Variants in ALDH1A3 observed in about 807,000 individuals in gnomAD.
ALDH1A3 encodes the protein aldehyde dehydrogenase 1 family member A3.
A neutral mutation model predicts 57.5 loss-of-function variants in ALDH1A3; 28 were observed. The observed-to-expected ratio is 0.49, with a 90% CI of 0.36 to 0.67. The LOEUF is 0.67. Ranked by LOEUF, ALDH1A3 falls within the 30% of genes least tolerant of loss-of-function variation. The probability of loss-of-function intolerance (pLI) is 0.00; values close to 1 mark genes in which losing one functional copy is unlikely to be tolerated. For missense variants in ALDH1A3, 507 were observed against 669.4 expected (o/e 0.76, Z 2.68); for synonymous variants, 281 against 264.8 (o/e 1.06, Z -0.59).
intron 9 of ALDH1A3, among the ~76,000 whole-genome samples, chr15:100,903,933 T>C (rs1201839549): frequency 6.6e-6 from 1 of 152,246 alleles, no homozygotes; most frequent in Admixed American, 6.5e-5. Context: ...TAATATTTTT[T>C]CCAAGTTTGT....
At position 100,887,582 on chromosome 15, in the gene ALDH1A3, A is replaced by G; in HGVS notation, c.215A>G (p.Asp72Gly). The change falls in exon 3 of 13, where the codon GAC (aspartate) becomes GGC (glycine). Residue 72 changes from aspartate to glycine, a missense_variant. This residue lies in a region of ALDH1A3 where 432 missense variants were observed against 608.4 expected (regional missense o/e 0.71). Coordinates refer to ENST00000329841, the MANE Select transcript of ALDH1A3 (RefSeq NM_000693.4). The surrounding 1 kb of genome is among the most constrained non-coding windows in gnomAD (Gnocchi z 4.6). ...GTTCTGGTCGCTCAGCCCGACGTGG[A>G]CAAGGCTGTGGAGGCTGCACAGGTT... ...EVEEGDKPDV[D>G]KAVEAAQVAF... The G allele has an allele frequency of 6.2e-7, 1 of 1,602,266 alleles. No homozygotes were observed. The highest frequency in any genetic ancestry group is 1.1e-5 in the South Asian group (1 of 89,522).
chr15:100,893,762 T>A lies in ALDH1A3; in HGVS notation c.538-192T>A. ...CCTCTTTGCAAAGGCTGCCTATTAG[T>A]ACCACCCAGAATGCAGTTTAGGAAG... On this transcript the variant is annotated intron_variant, in intron 5 of 12. Transcript: ENST00000329841. This position sits in a 1 kb window ranked among gnomAD's most constrained non-coding sequence, Gnocchi z 4.8. The A allele has an allele frequency of 3.0e-6, 2 of 656,136 alleles. No individual in the cohort carries two copies. Among genetic ancestry groups the A allele is most frequent in the Non-Finnish European group, 2.5e-6 (1 of 404,082 alleles). The allele number at this position is 656,136 out of a possible 1,614,324, so 40.6% of individuals were successfully genotyped here.
In ALDH1A3 at chr15:100,887,313, C is replaced by T. The variant is rs1042326583; in HGVS notation, c.205-259C>T. 1.3e-5 allele frequency among the ~76,000 whole-genome samples: 2 copies of T among 151,032 alleles called. No homozygotes were observed. The highest frequency in any genetic ancestry group is 4.2e-4 in the South Asian group (2 of 4,808). On this transcript the variant is annotated intron_variant, in intron 2 of 12. Coordinates refer to ENST00000329841, the MANE Select transcript of ALDH1A3 (RefSeq NM_000693.4). This position sits in a 1 kb window ranked among gnomAD's most constrained non-coding sequence, Gnocchi z 4.6. ...ACCTCAAAAGATGACACCCAAACTG[C>T]AGTCACGTCAAAAGATGACACCCAA...
intron 7 of ALDH1A3, among the ~76,000 whole-genome samples, chr15:100,897,741 G>C (rs1295679295): frequency 6.6e-6 from 1 of 152,242 alleles, no homozygotes; most frequent in Non-Finnish European, 1.5e-5. Flanking sequence ...TTACCAGACT[G>C]GCTGGACCAG....
intron 4 of ALDH1A3, 131 bp downstream of exon 4, chr15:100,892,770 C>G: frequency 7.2e-7 from 1 of 1,380,052 alleles, no homozygotes; most frequent in Non-Finnish European, 9.9e-7. Context: ...ATGGTACTGC[C>G]AATTCTTCTT....
At chr15:100,895,880 C>A in intron 6 of ALDH1A3, 53 bp from the exon 7 acceptor site, 9 of 1,466,286 alleles carry the variant, frequency 6.1e-6, no homozygotes, top group Non-Finnish European at 8.5e-6. Flanking sequence ...AAATGTGGAT[C>A]CGTGGTGGAT....
In ALDH1A3 at chr15:100,901,463, C is replaced by T. The variant is rs1285420965; in HGVS notation, c.1068+704C>T. Reference sequence around the variant, plus strand: ...AAGTCCTGCCCCAGCCATGAAATTTCAAGTCACATGTCCGTGACTTACCCA... The same window carrying T: ...AAGTCCTGCCCCAGCCATGAAATTTTAAGTCACATGTCCGTGACTTACCCA... On this transcript the variant is annotated intron_variant, in intron 9 of 12. Transcript: ENST00000329841. Among the ~76,000 whole-genome samples, 3 of 152,152 alleles carry T rather than the reference C, an allele frequency of 2.0e-5. No homozygotes were observed. In the East Asian group the frequency reaches 5.8e-4, roughly 29 times the overall value.
intron 2 of ALDH1A3, among the ~76,000 whole-genome samples, chr15:100,886,733 G>A (rs539703662): frequency 2.2e-4 from 34 of 152,348 alleles, no homozygotes; most frequent in African/African-American, 7.9e-4. Context: ...CTTTTAGAAA[G>A]AAGGTTCCGT....
intron 1 of ALDH1A3, among the ~76,000 whole-genome samples, chr15:100,882,643 T>C (rs1221054209): frequency 6.6e-6 from 1 of 152,216 alleles, no homozygotes; most frequent in Non-Finnish European, 1.5e-5. Context: ...CCTGCTTCCA[T>C]GTCATTCTGT....
At chr15:100,891,509 G>A (rs1055958108) in intron 3 of ALDH1A3, among the ~76,000 whole-genome samples, 4 of 152,254 alleles carry the variant, frequency 2.6e-5, no homozygotes, top group African/African-American at 9.6e-5. Context: ...TGCATTACTG[G>A]GTGGCCTTGG....
Position 100,887,668 on chromosome 15 carries a change from C to T in ALDH1A3, c.301C>T (p.His101Tyr). 1.2e-6 allele frequency: 2 copies of T among 1,610,902 alleles called. No homozygotes were observed. Among genetic ancestry groups the T allele is most frequent in the Non-Finnish European group, 1.7e-6 (2 of 1,178,548 alleles). Residue 101 changes from histidine to tyrosine, a missense_variant, in exon 3 of 13, where the codon CAC (histidine) becomes TAC (tyrosine). His to Tyr is a moderately conservative substitution (Grantham distance 83, BLOSUM62 2). This residue lies in a region of ALDH1A3 where 432 missense variants were observed against 608.4 expected (regional missense o/e 0.71). Coordinates refer to ENST00000329841, the MANE Select transcript of ALDH1A3 (RefSeq NM_000693.4). The surrounding 1 kb of genome is among the most constrained non-coding windows in gnomAD (Gnocchi z 4.6). Reference protein sequence around the residue: ...LDALSRGRLLHQLADLVERDR... With the variant: ...LDALSRGRLLYQLADLVERDR... ...TGCCCTGAGTCGTGGGCGGCTGCTG[C>T]ACCAGCTGGCTGACCTGGTGGAGAG...
At chr15:100,880,136 C>T (rs1293619385) in intron 1 of ALDH1A3, 130 bp downstream of exon 1, 15 of 563,302 alleles carry the variant, frequency 2.7e-5, no homozygotes, top group African/African-American at 3.9e-5. Context: ...AGCCTCCCTG[C>T]CCGGGCGCGG....
intron 11 of ALDH1A3, 51 bp downstream of exon 11, chr15:100,907,329 G>A (rs764832734): frequency 7.0e-6 from 11 of 1,572,264 alleles, no homozygotes; most frequent in Non-Finnish European, 9.5e-6. Context: ...TTCTTGCTAA[G>A]TTCATTATTC....
intron 12 of ALDH1A3, chr15:100,914,438 T>C (rs2041911064): frequency 3.2e-6 from 1 of 313,284 alleles, no homozygotes; most frequent in African/African-American, 2.1e-5. Context: ...CCCTTCATTC[T>C]CTAAAGGGAA....
At chr15:100,900,415 T>C (rs1274848463) in intron 8 of ALDH1A3, among the ~76,000 whole-genome samples, 160 bp from the exon 9 acceptor site, 1 of 152,214 alleles carries the variant, frequency 6.6e-6, no homozygotes, top group Non-Finnish European at 1.5e-5. Flanking sequence ...TTCCTCTCTA[T>C]TTGGGAAAGT....
At chr15:100,885,409 T>C (rs2141547642) in intron 2 of ALDH1A3, 38 bp downstream of exon 2, 1 of 1,448,654 alleles carries the variant, frequency 6.9e-7, no homozygotes, top group Non-Finnish European at 9.7e-7. Flanking sequence ...AGTAATTCAA[T>C]TATGGATGAC....
chr15:100,888,159 C>T (rs572699445), intron 3 of ALDH1A3, among the ~76,000 whole-genome samples: 2 of 152,132 alleles, frequency 1.3e-5, no homozygotes, highest in African/African-American at 2.4e-5. Context: ...AGTGCAGTGG[C>T]GCGATCTCGG....
Position 100,907,246 on chromosome 15 carries a change from G to A in ALDH1A3, c.1359G>A (p.Lys453=). The A allele has an allele frequency of 1.2e-6, 2 of 1,614,246 alleles. No individual in the cohort carries two copies. Among genetic ancestry groups the A allele is most frequent in the Non-Finnish European group, 1.7e-6 (2 of 1,180,026 alleles). ...CAAAAAATCTCGACAAAGCCCTGAA[G>A]TTGGCTTCTGCCTTAGAGTCTGGAA... ...VFTKNLDKAL[K]LASALESGTV... Residue 453 remains lysine, a synonymous_variant, in exon 11 of 13, where the codon AAG becomes AAA. Transcript: ENST00000329841.
At chr15:100,898,655 T>C (rs888054837) in intron 8 of ALDH1A3, among the ~76,000 whole-genome samples, 3 of 152,220 alleles carry the variant, frequency 2.0e-5, no homozygotes, top group Admixed American at 2.0e-4. Context: ...TCCTTGTGTC[T>C]CAGACCTGAT....
Sources: allele counts gnomAD v4.1 joint callset (sites outside exome capture counted in the v4.1 genomes callset), GRCh38; gene constraint gnomAD v4.1.1; regional missense constraint gnomAD v4.1.1; non-coding constraint Gnocchi (gnomAD v3.1); transcripts MANE v1.5; gene names NCBI Gene and HGNC (gene_info 2026-07-23, HGNC 2026-07-21).